Variants in PLCG2 observed in about 807,000 individuals in gnomAD.
The protein encoded by PLCG2 is phospholipase C gamma 2.
A neutral mutation model predicts 175.6 loss-of-function variants in PLCG2; 69 were observed. The ratio of observed to expected loss-of-function variants is 0.39; its 90% CI spans 0.32 to 0.48. The LOEUF (loss-of-function observed/expected upper bound fraction) is 0.48, where lower values mean the gene tolerates loss of function less well. Among genes scored for constraint, PLCG2 ranks in the 20% least tolerant of loss-of-function variants. PLCG2 has a pLI of 0.91. For missense variants in PLCG2, 1,798 were observed against 1,650.9 expected, an observed-to-expected ratio of 1.09 and a Z score of -1.54; for synonymous variants, 827 against 624.0, an observed-to-expected ratio of 1.33 and a Z score of -4.85.
rs556069808 is a variant in PLCG2 at position 81,956,555 on chromosome 16, C to G, written c.3571-140C>G. ...TTTATCTTTCTTTGGTTAAAATAGGCCCTGGCTCTTCTGGGCTAATCCAAG... is the reference window on the plus strand; with the variant it reads ...TTTATCTTTCTTTGGTTAAAATAGGGCCTGGCTCTTCTGGGCTAATCCAAG... On this transcript the variant is annotated intron_variant, in intron 31 of 32. Coordinates refer to ENST00000564138, the MANE Select transcript of PLCG2 (RefSeq NM_002661.5). 41 of 586,846 alleles carry G rather than the reference C, an allele frequency of 7.0e-5. No individual in the cohort carries two copies. In the South Asian group the frequency reaches 1.1e-3, roughly 15 times the overall value. 36.4% of individuals were successfully genotyped at this position (586,846 alleles called of 1,614,324 possible).
At position 81,900,594 on chromosome 16, in the gene PLCG2, A is replaced by G. The variant is rs574547311; in HGVS notation, c.1194-18A>G. On this transcript the variant is annotated intron_variant, in intron 13 of 32. Transcript: ENST00000564138. ...GTGTGCTCCCCCTGCCGAGCTGCCCACCCTCTTCTGCCTGCAGCTTCCCAG... is the reference window on the plus strand; with the variant it reads ...GTGTGCTCCCCCTGCCGAGCTGCCCGCCCTCTTCTGCCTGCAGCTTCCCAG... 224 of 1,579,870 alleles carry G rather than the reference A, an allele frequency of 1.4e-4. 4 individuals are homozygous for G. The South Asian group carries it at 2.1e-3, about 15-fold the overall frequency.
chr16:81,799,841 C>T (rs556238725), intron 2 of PLCG2, among the ~76,000 whole-genome samples: 1 of 151,364 alleles, frequency 6.6e-6, no homozygotes, highest in South Asian at 2.1e-4. Flanking sequence ...GATCCTCCCA[C>T]CTTGGCCTCC....
At chr16:81,742,715 G>T (rs1270020034) in intron 1 of PLCG2, among the ~76,000 whole-genome samples, 1 of 152,264 alleles carries the variant, frequency 6.6e-6, no homozygotes, top group African/African-American at 2.4e-5. Flanking sequence ...TTACCCCACG[G>T]TGGGTGCTAT....
chr16:81,827,817 A>G (rs1178324932), intron 2 of PLCG2, among the ~76,000 whole-genome samples: 3 of 152,078 alleles, frequency 2.0e-5, no homozygotes, highest in African/African-American at 7.2e-5. Flanking sequence ...GCCGCCAGGC[A>G]CGGTGGTTCA....
At chr16:81,841,204 CTTTATTTATTTATTTATTTATTTATTTA>C (rs144363484) in intron 2 of PLCG2, among the ~76,000 whole-genome samples, 16 of 144,630 alleles carry the variant, frequency 1.1e-4, no homozygotes, top group Admixed American at 4.8e-4. Context: ...AAAAAGTAAA[CTTTATTTATTTATTTATTTATTTATTTA>C]TTTATTTATT....
chr16:81,910,130 G>A (rs1363936111), intron 17 of PLCG2, among the ~76,000 whole-genome samples: 8 of 152,048 alleles, frequency 5.3e-5, no homozygotes, highest in African/African-American at 1.2e-4. Flanking sequence ...TCGCTCTGTC[G>A]CCCAGGCTGG....
At chr16:81,753,800 G>A (rs1196569495) in intron 1 of PLCG2, among the ~76,000 whole-genome samples, 1 of 152,210 alleles carries the variant, frequency 6.6e-6, no homozygotes, top group African/African-American at 2.4e-5. Context: ...GTAGGATGGG[G>A]AAAATATGAA....
At chr16:81,957,632 T>C (rs117959600) in intron 32 of PLCG2, among the ~76,000 whole-genome samples, 1,561 of 152,272 alleles carry the variant, frequency 0.01, 10 homozygotes, top group Non-Finnish European at 0.015. Context: ...TGTCTAAATC[T>C]TCTAAGAAAG....
intron 2 of PLCG2, among the ~76,000 whole-genome samples, chr16:81,763,973 AAAACAAAAAC>A: frequency 6.6e-6 from 1 of 151,280 alleles, no homozygotes; most frequent in South Asian, 2.1e-4. Flanking sequence ...TCAAAAAACA[AAAACAAAAAC>A]AAACAAAAAA....
At chr16:81,751,914 C>T (rs1018630793) in intron 1 of PLCG2, among the ~76,000 whole-genome samples, 2 of 151,832 alleles carry the variant, frequency 1.3e-5, no homozygotes, top group Non-Finnish European at 2.9e-5. Flanking sequence ...CTTAGCTACT[C>T]GGGAGGCTGA....
At chr16:81,947,435 T>G (rs1204398701) in intron 31 of PLCG2, among the ~76,000 whole-genome samples, 5 of 152,200 alleles carry the variant, frequency 3.3e-5, no homozygotes, top group Admixed American at 3.3e-4. Flanking sequence ...CACACTGGGA[T>G]GAAGAGTCGC....
intron 1 of PLCG2, among the ~76,000 whole-genome samples, chr16:81,741,703 T>G (rs1909598014): frequency 6.6e-6 from 1 of 151,912 alleles, no homozygotes. Context: ...CCCAGCTCCT[T>G]GGGAGGCTGA....
chr16:81,917,160 C>A (rs1210883741), intron 19 of PLCG2, among the ~76,000 whole-genome samples: 1 of 151,528 alleles, frequency 6.6e-6, no homozygotes, highest in Non-Finnish European at 1.5e-5. Context: ...TTTTTCTGTG[C>A]CTGGTTTATT....
intron 9 of PLCG2, among the ~76,000 whole-genome samples, chr16:81,886,181 A>AC (rs1161693672): frequency 2.6e-5 from 4 of 152,078 alleles, no homozygotes; most frequent in African/African-American, 7.2e-5. Flanking sequence ...GTGTAGATTT[A>AC]CCCCACCTAG....
intron 1 of PLCG2, among the ~76,000 whole-genome samples, chr16:81,748,919 C>G (rs115008542): frequency 3.3e-5 from 5 of 152,322 alleles, no homozygotes; most frequent in African/African-American, 1.2e-4. Context: ...ACAGTCTTGA[C>G]TATGACTGTA....
Position 81,870,534 on chromosome 16 carries a change from C to A in PLCG2, c.565-318C>A, listed in dbSNP as rs150290558. Among the ~76,000 whole-genome samples, 7 of 152,272 alleles carry A rather than the reference C, an allele frequency of 4.6e-5. No individual in the cohort carries two copies. In the East Asian group the frequency reaches 5.8e-4, roughly 13 times the overall value. On this transcript the variant is annotated intron_variant, in intron 6 of 32. Transcript: ENST00000564138. Reference sequence around the variant, plus strand: ...TGGCTGAGACTCTTCCCTTTTGGGGCTCAAAGGAGGGTCTTACTTGGTAGG... The same window carrying A: ...TGGCTGAGACTCTTCCCTTTTGGGGATCAAAGGAGGGTCTTACTTGGTAGG...
At chr16:81,911,046 G>T (rs1448409403) in intron 18 of PLCG2, among the ~76,000 whole-genome samples, 2 of 151,804 alleles carry the variant, frequency 1.3e-5, no homozygotes, top group Non-Finnish European at 2.9e-5. Context: ...CTTCCTGTTT[G>T]TTCTGAAAAT....
At chr16:81,930,841 G>A (rs1910471326) in intron 24 of PLCG2, among the ~76,000 whole-genome samples, 1 of 151,938 alleles carries the variant, frequency 6.6e-6, no homozygotes, top group Admixed American at 6.5e-5. Flanking sequence ...TATGCTAAGT[G>A]AAACAGTTCA....
At chr16:81,777,099 A>G (rs757404009), upstream of PLCG2, among the ~76,000 whole-genome samples, 3 of 141,320 alleles carry the variant, frequency 2.1e-5, no homozygotes, top group African/African-American at 8.2e-5. Context: ...CAAAAATACT[A>G]TAGGCTCACA....
Sources: gnomAD v4.1 joint callset for allele counts (sites outside exome capture counted in the v4.1 genomes callset) on GRCh38, gnomAD v4.1.1 for gene constraint, MANE v1.5 for transcripts, NCBI Gene and HGNC (gene_info 2026-07-23, HGNC 2026-07-21) for gene names.